The following TLK1 variants were observed in gnomAD, a reference collection of about 807,000 sequenced individuals.
The protein encoded by TLK1 is serine/threonine-protein kinase tousled-like 1.
Under a neutral mutation model 105.3 loss-of-function variants are expected in TLK1, and 24 were observed. The ratio of observed to expected loss-of-function variants is 0.23; its 90% CI spans 0.17 to 0.32. The LOEUF (loss-of-function observed/expected upper bound fraction) is 0.32. Ranked by LOEUF, TLK1 falls within the 10% of genes least tolerant of loss-of-function variation. TLK1 has a pLI of 1.00. For synonymous variants in TLK1, 321 were observed against 310.4 expected, an observed-to-expected ratio of 1.03 and a Z score of -0.36; for missense variants, 558 against 910.5, an observed-to-expected ratio of 0.61 and a Z score of 4.98.
intron 11 of TLK1, among the ~76,000 whole-genome samples, chr2:171,039,670 A>G (rs1210026870): frequency 6.6e-6 from 1 of 152,178 alleles, no homozygotes; most frequent in Non-Finnish European, 1.5e-5. Context: ...TCATCTCCAA[A>G]TACTGCTTAT....
At chr2:171,056,772 GT>G (rs1380093221) in intron 5 of TLK1, among the ~76,000 whole-genome samples, 7 of 150,924 alleles carry the variant, frequency 4.6e-5, no homozygotes, top group East Asian at 3.9e-4. Flanking sequence ...TGACGAGACT[GT>G]TTTATAAAGA....
At chr2:171,129,141 CT>C (rs2105552481) in intron 1 of TLK1, among the ~76,000 whole-genome samples, 1 of 152,326 alleles carries the variant, frequency 6.6e-6, no homozygotes, top group East Asian at 1.9e-4. Flanking sequence ...AGAAAGTAGA[CT>C]GGTATCTTGT....
chr2:171,184,309 T>G (rs777998845), intron 1 of TLK1, among the ~76,000 whole-genome samples: 4 of 152,030 alleles, frequency 2.6e-5, no homozygotes, highest in Non-Finnish European at 5.9e-5. Context: ...GAAAAGAAAT[T>G]TATATTGTTT....
chr2:171,113,365 G>C (rs929756653), intron 2 of TLK1, among the ~76,000 whole-genome samples: 1 of 151,700 alleles, frequency 6.6e-6, no homozygotes, highest in African/African-American at 2.4e-5. Context: ...CCATCTCCTG[G>C]GTTCAAGCAA....
chr2:171,034,692 A>C (rs930288862), intron 11 of TLK1, among the ~76,000 whole-genome samples: 2 of 152,200 alleles, frequency 1.3e-5, no homozygotes, highest in East Asian at 3.8e-4. Context: ...AATGGACTAA[A>C]AGCCACTGAA....
intron 1 of TLK1, among the ~76,000 whole-genome samples, chr2:171,131,348 T>C (rs1691099811): frequency 6.6e-6 from 1 of 152,172 alleles, no homozygotes; most frequent in South Asian, 2.1e-4. Context: ...CCTCACAAAT[T>C]ACTGTAACTG....
At chr2:171,034,676 A>G (rs1451800192) in intron 11 of TLK1, among the ~76,000 whole-genome samples, 1 of 152,200 alleles carries the variant, frequency 6.6e-6, no homozygotes, top group Admixed American at 6.5e-5. Flanking sequence ...GGTACATAAC[A>G]CTGTGAATGG....
At chr2:171,001,772 TTTCA>T (rs529619597) in intron 18 of TLK1, among the ~76,000 whole-genome samples, 4 of 152,154 alleles carry the variant, frequency 2.6e-5, no homozygotes, top group Admixed American at 6.5e-5. Context: ...ATTTTTTCTT[TTTCA>T]TTCATTCATT....
At chr2:171,077,599 C>A (rs575684368) in intron 3 of TLK1, among the ~76,000 whole-genome samples, 1 of 152,214 alleles carries the variant, frequency 6.6e-6, no homozygotes, top group Non-Finnish European at 1.5e-5. Flanking sequence ...TCACTTTTTA[C>A]AGTCCCTATC....
intron 1 of TLK1, among the ~76,000 whole-genome samples, chr2:171,186,134 C>T (rs1693021136): frequency 6.6e-6 from 1 of 152,190 alleles, no homozygotes; most frequent in African/African-American, 2.4e-5. Flanking sequence ...GACTCAGGCT[C>T]TAAAAGTAAA....
intron 12 of TLK1, among the ~76,000 whole-genome samples, chr2:171,015,938 C>T (rs1339172154): frequency 4.6e-5 from 7 of 151,710 alleles, no homozygotes; most frequent in African/African-American, 2.4e-5. Context: ...ATTAGCCAGG[C>T]GTGGTGGCGC....
At chr2:171,162,154 T>C (rs993309153), upstream of TLK1, among the ~76,000 whole-genome samples, 2 of 152,348 alleles carry the variant, frequency 1.3e-5, no homozygotes, top group East Asian at 3.9e-4. Context: ...CAGTGAGTTT[T>C]TAGTCTTGTC....
rs1692410066 is a variant in TLK1, at chr2:171,160,190, G to C, written c.139+100C>G. 5 of 1,243,608 alleles carry C rather than the reference G, an allele frequency of 4.0e-6. No homozygotes were observed. The allele number at this position is 1,243,608 out of a possible 1,614,324, so 77.0% of individuals were successfully genotyped here. A position where few individuals can be genotyped will look rare whatever the true frequency, so the allele number is the denominator to read the frequency against. On this transcript the variant is annotated intron_variant, in intron 1 of 20. Transcript: ENST00000431350. This position sits in a 1 kb window ranked among gnomAD's most constrained non-coding sequence, Gnocchi z 4.4. ...GCCACCATCCCCCACCCCAGGGTCT[G>C]GCGGAGAAGCCCCGGGGCGGGGGGG...
At chr2:171,137,610 A>C (rs1299489168) in intron 1 of TLK1, among the ~76,000 whole-genome samples, 1 of 152,050 alleles carries the variant, frequency 6.6e-6, no homozygotes, top group Non-Finnish European at 1.5e-5. Flanking sequence ...ACACTTTGGG[A>C]GGCTAACGTG....
At chr2:171,189,951 A>G (rs1693113232) in intron 1 of TLK1, among the ~76,000 whole-genome samples, 1 of 152,214 alleles carries the variant, frequency 6.6e-6, no homozygotes, top group South Asian at 2.1e-4. Flanking sequence ...AAAGAAAAGA[A>G]AAAAGGGCAG....
intron 2 of TLK1, among the ~76,000 whole-genome samples, chr2:171,112,468 A>G (rs1336934955): frequency 6.6e-6 from 1 of 152,204 alleles, no homozygotes; most frequent in Non-Finnish European, 1.5e-5. Flanking sequence ...CCAGGAATAG[A>G]AAGGCTCTTC....
chr2:171,025,362 G>A (rs1685724027), intron 12 of TLK1, among the ~76,000 whole-genome samples: 1 of 152,080 alleles, frequency 6.6e-6, no homozygotes, highest in South Asian at 2.1e-4. Flanking sequence ...ATGTCCATAT[G>A]CCATGGGCTT....
chr2:171,155,560 G>A (rs1692200269), intron 1 of TLK1: 1 of 152,016 alleles, frequency 6.6e-6, no homozygotes, highest in South Asian at 2.1e-4. Context: ...ACTATATTTA[G>A]GGATTTTTAA....
intron 1 of TLK1, among the ~76,000 whole-genome samples, chr2:171,225,096 T>C (rs1467493111): frequency 6.6e-6 from 1 of 151,884 alleles, no homozygotes; most frequent in East Asian, 1.9e-4. Flanking sequence ...AGGCACTAAA[T>C]ATGACCCTAA....
Sources: allele counts gnomAD v4.1 joint callset (sites outside exome capture counted in the v4.1 genomes callset), GRCh38; gene constraint gnomAD v4.1.1; non-coding constraint Gnocchi (gnomAD v3.1); transcripts MANE v1.5; gene names NCBI Gene and HGNC (gene_info 2026-07-23, HGNC 2026-07-21).